CAMTA1: variants seen among roughly 807,000 people sequenced by gnomAD.
CAMTA1 encodes the protein calmodulin binding transcription activator 1, also known as calmodulin-binding transcription activator 1.
In CAMTA1, 27 loss-of-function variants were observed where a neutral mutation model predicts 170.9. The observed-to-expected ratio is 0.16, with a 90% CI of 0.12 to 0.22. The LOEUF (loss-of-function observed/expected upper bound fraction) is 0.22, where lower values mean the gene tolerates loss of function less well. CAMTA1 is among the 10% of genes least tolerant of loss of function. CAMTA1 has a pLI of 1.00. For missense variants in CAMTA1, 1,619 were observed against 2,217.2 expected (o/e 0.73, Z 5.42); for synonymous variants, 833 against 891.5 (o/e 0.93, Z 1.17).
intron 5 of CAMTA1, among the ~76,000 whole-genome samples, chr1:7,337,275 G>C (rs1000280534): frequency 6.6e-6 from 1 of 152,224 alleles, no homozygotes. Context: ...TTTGAGGGGA[G>C]GTAAGCACCC....
chr1:7,069,014 G>C (rs535864569), intron 3 of CAMTA1, among the ~76,000 whole-genome samples: 1 of 152,330 alleles, frequency 6.6e-6, no homozygotes, highest in East Asian at 1.9e-4. Flanking sequence ...ACGCAGGCCT[G>C]GCCTCCGCAG....
chr1:7,358,446 A>G (rs1389813459), intron 5 of CAMTA1, among the ~76,000 whole-genome samples: 1 of 152,140 alleles, frequency 6.6e-6, no homozygotes, highest in East Asian at 1.9e-4. Context: ...TTTTTTATTG[A>G]TGTAGTCACG....
At chr1:7,036,441 A>T (rs1414484778) in intron 3 of CAMTA1, among the ~76,000 whole-genome samples, 3 of 152,230 alleles carry the variant, frequency 2.0e-5, no homozygotes, top group African/African-American at 7.2e-5. Flanking sequence ...AGAGGGTGCG[A>T]TCAGCCAGGG....
chr1:7,647,654 C>CT (rs1390878526), intron 7 of CAMTA1, among the ~76,000 whole-genome samples: 1 of 152,150 alleles, frequency 6.6e-6, no homozygotes, highest in African/African-American at 2.4e-5. Context: ...CTGTGCCCAC[C>CT]TTTTTTCCTC....
chr1:7,503,788 G>A (rs1451781773), intron 6 of CAMTA1, among the ~76,000 whole-genome samples: 2 of 152,226 alleles, frequency 1.3e-5, no homozygotes, highest in Non-Finnish European at 2.9e-5. Flanking sequence ...CCCACCCACA[G>A]TGATGCCCAC....
At chr1:6,886,927 GT>G (rs1673403280) in intron 3 of CAMTA1, among the ~76,000 whole-genome samples, 1 of 152,136 alleles carries the variant, frequency 6.6e-6, no homozygotes, top group Non-Finnish European at 1.5e-5. Flanking sequence ...GATGCTAGTC[GT>G]TTTGTTCATG....
chr1:7,430,454 G>A (rs773078170), intron 5 of CAMTA1, among the ~76,000 whole-genome samples: 40 of 151,980 alleles, frequency 2.6e-4, no homozygotes, highest in Non-Finnish European at 5.0e-4. Context: ...TAATAACGAT[G>A]GTGATGGTGA....
At chr1:7,576,645 A>G (rs911815242) in intron 6 of CAMTA1, among the ~76,000 whole-genome samples, 1 of 152,124 alleles carries the variant, frequency 6.6e-6, no homozygotes, top group African/African-American at 2.4e-5. Context: ...AACCACCCAG[A>G]CTATGATATT....
chr1:6,875,861 C>T (rs1669685540), intron 3 of CAMTA1, among the ~76,000 whole-genome samples: 1 of 152,162 alleles, frequency 6.6e-6, no homozygotes, highest in Non-Finnish European at 1.5e-5. Flanking sequence ...ATTTTGTAAA[C>T]AAGAAAACAA....
chr1:7,227,510 G>A (rs1177177602), intron 4 of CAMTA1, among the ~76,000 whole-genome samples: 2 of 152,010 alleles, frequency 1.3e-5, no homozygotes. Flanking sequence ...TGTATTTTTA[G>A]TAGAGACGGG....
chr1:6,865,319 T>C (rs973880975), intron 3 of CAMTA1, among the ~76,000 whole-genome samples: 1 of 152,162 alleles, frequency 6.6e-6, no homozygotes, highest in Non-Finnish European at 1.5e-5. Context: ...ATTCATTCAT[T>C]CTCTCATTCA....
intron 3 of CAMTA1, among the ~76,000 whole-genome samples, chr1:7,001,314 G>C (rs747579200): frequency 1.3e-5 from 2 of 152,172 alleles, no homozygotes; most frequent in Admixed American, 6.5e-5. Flanking sequence ...TATTTGTCAA[G>C]TGAACAAATG....
chr1:7,515,954 T>C (rs1007034412), intron 6 of CAMTA1, among the ~76,000 whole-genome samples: 2 of 152,202 alleles, frequency 1.3e-5, no homozygotes, highest in African/African-American at 2.4e-5. Flanking sequence ...ACCCCAGGTC[T>C]CAGGGACTGA....
intron 2 of CAMTA1, among the ~76,000 whole-genome samples, chr1:6,823,506 T>C (rs1448290152): frequency 2.0e-5 from 3 of 152,202 alleles, no homozygotes; most frequent in Non-Finnish European, 4.4e-5. Context: ...AGGATGGGTA[T>C]TATAATTCAA....
chr1:7,747,372 T>C (rs1217788616), intron 18 of CAMTA1, among the ~76,000 whole-genome samples: 2 of 152,240 alleles, frequency 1.3e-5, no homozygotes, highest in Admixed American at 1.3e-4. Context: ...AAGCCATTAA[T>C]CATTGATCCA....
intron 4 of CAMTA1, among the ~76,000 whole-genome samples, chr1:7,129,919 T>TTGTG (rs3058550): frequency 0.028 from 4,111 of 147,114 alleles, 102 homozygotes; most frequent in African/African-American, 0.073. Flanking sequence ...CTACCTTCTT[T>TTGTG]TGTGTGTGTG....
In CAMTA1 at chr1:7,245,165, A is replaced by T. The variant is rs74556589; in HGVS notation, c.303-4326A>T. ...TATCTAGTCAATAGTTTATATTTTA[A>T]TTATTTAGCCAAGATATATATATAT... On this transcript the variant is annotated intron_variant, in intron 4 of 22. Coordinates refer to ENST00000303635, the MANE Select transcript of CAMTA1 (RefSeq NM_015215.4). Among the ~76,000 whole-genome samples the T allele has an allele frequency of 9.3e-4, 138 of 148,314 alleles. 1 individual carries two copies. The East Asian group carries it at 0.014, about 15-fold the overall frequency.
At chr1:7,553,642 G>A (rs1030160555) in intron 6 of CAMTA1, among the ~76,000 whole-genome samples, 2 of 152,238 alleles carry the variant, frequency 1.3e-5, no homozygotes, top group Non-Finnish European at 2.9e-5. Flanking sequence ...GTGCTGAAAG[G>A]TGCTGAGAGA....
chr1:7,655,482 C>A (rs1192549447), intron 7 of CAMTA1, among the ~76,000 whole-genome samples: 1 of 143,122 alleles, frequency 7.0e-6, no homozygotes, highest in African/African-American at 2.6e-5. Context: ...CCTATACAAA[C>A]ACACACCTAT....
Sources: allele counts gnomAD v4.1 joint callset (sites outside exome capture counted in the v4.1 genomes callset), GRCh38; gene constraint gnomAD v4.1.1; transcripts MANE v1.5; gene names NCBI Gene and HGNC (gene_info 2026-07-23, HGNC 2026-07-21).